The following IYD variants were observed in gnomAD, a reference collection of about 807,000 sequenced individuals.
The protein encoded by IYD is iodotyrosine deiodinase 1.
In IYD, 25 loss-of-function variants were observed where a neutral mutation model predicts 28.4. That is an observed-to-expected ratio of 0.88 (90% CI 0.64 to 1.23). IYD has a LOEUF of 1.23. IYD is among the 50% of genes most tolerant of loss of function. The probability of loss-of-function intolerance (pLI) is 0.00; values close to 1 mark genes in which losing one functional copy is unlikely to be tolerated. For missense variants in IYD, 352 were observed against 357.9 expected (o/e 0.98, Z 0.13); for synonymous variants, 140 against 130.8 (o/e 1.07, Z -0.48).
rs1386890604 is a variant in IYD at position 150,401,690 on chromosome 6, A to T, written c.*3453A>T. On this transcript the variant is annotated 3_prime_UTR_variant, in exon 5 of 5. Coordinates refer to ENST00000344419, the MANE Select transcript of IYD (RefSeq NM_203395.3). ...TGTGACAACTGTGTTCAAAGTTAGA[A>T]ATAGTGGTCGGGGAGGCTTATAGAT... The T allele has an allele frequency of 1.3e-5, 2 of 152,210 alleles. No homozygotes were observed. Among genetic ancestry groups the T allele is most frequent in the Non-Finnish European group, 2.9e-5 (2 of 68,048 alleles). The allele number at this position is 152,210 out of a possible 1,614,324, so 9.4% of individuals were successfully genotyped here.
intron 3 of IYD, among the ~76,000 whole-genome samples, chr6:150,393,757 C>T (rs917292333): frequency 6.6e-6 from 1 of 152,196 alleles, no homozygotes; most frequent in African/African-American, 2.4e-5. Context: ...AACAGCATTG[C>T]CATCTGCCCA....
At chr6:150,397,503 G>A (rs1484575020) in intron 4 of IYD, among the ~76,000 whole-genome samples, 5 of 150,870 alleles carry the variant, frequency 3.3e-5, no homozygotes, top group Non-Finnish European at 7.4e-5. Flanking sequence ...CCAGGAGGCA[G>A]AGGTTACAGT....
rs369056358 is a variant in IYD at position 150,390,356 on chromosome 6, A to G, written c.370+813A>G. Among the ~76,000 whole-genome samples, 15 of 152,358 alleles carry G rather than the reference A, an allele frequency of 9.8e-5. No homozygotes were observed. In the South Asian group the frequency reaches 3.1e-3, roughly 32 times the overall value. On this transcript the variant is annotated intron_variant, in intron 2 of 4. Transcript: ENST00000344419. Reference sequence around the variant, plus strand: ...AGCCTTTATCTGTATCTGTATTTGTATATGTATACGTACACATATGCTGTT... The same window carrying G: ...AGCCTTTATCTGTATCTGTATTTGTGTATGTATACGTACACATATGCTGTT...
At chr6:150,383,110 T>C (rs888757115) in intron 1 of IYD, among the ~76,000 whole-genome samples, 3 of 152,236 alleles carry the variant, frequency 2.0e-5, no homozygotes, top group Non-Finnish European at 4.4e-5. Context: ...TGTGCTTACA[T>C]GGTGTGACAC....
At chr6:150,370,493 G>A in intron 1 of IYD, 2 of 985,432 alleles carry the variant, frequency 2.0e-6, no homozygotes, top group Non-Finnish European at 2.4e-6. Context: ...AGGGTGTCCA[G>A]CTGGCTCTCA....
At chr6:150,392,629 A>G in intron 3 of IYD, 125 bp downstream of exon 3, 1 of 1,029,524 alleles carries the variant, frequency 9.7e-7, no homozygotes, top group Non-Finnish European at 1.5e-6. Flanking sequence ...TCTTGGAGGA[A>G]TTACGGAAGT....
intron 1 of IYD, among the ~76,000 whole-genome samples, chr6:150,386,898 A>T (rs1379861860): frequency 6.6e-6 from 1 of 152,166 alleles, no homozygotes; most frequent in Non-Finnish European, 1.5e-5. Context: ...GACTTAAAAT[A>T]ATCATTGGCC....
In IYD at chr6:150,376,480, G is replaced by T. The variant is rs78065713; in HGVS notation, c.178+7271G>T. On this transcript the variant is annotated intron_variant, in intron 1 of 4. Transcript: ENST00000344419. ...AATGCCTTGGGATGAAGTTCCTTGA[G>T]CTTATGAGAGGCAGTGGGAAGGCGA... is the stretch of plus-strand genomic sequence containing the variant. Among the ~76,000 whole-genome samples the T allele has an allele frequency of 1.0e-3, 159 of 152,226 alleles. 1 individual carries two copies. The East Asian group carries it at 0.026, about 25-fold the overall frequency.
rs73617661 is a variant in IYD, at chr6:150,388,074, G to T, written c.179-1278G>T. 2.6e-3 allele frequency among the ~76,000 whole-genome samples: 394 copies of T among 152,276 alleles called. 3 individuals carry two copies. The highest frequency in any genetic ancestry group is 9.0e-3 in the African/African-American group (372 of 41,558). On this transcript the variant is annotated intron_variant, in intron 1 of 4. Coordinates refer to ENST00000344419, the MANE Select transcript of IYD (RefSeq NM_203395.3). ...TGATTGCATTTGATGGGTTGCTGAT[G>T]ATTGTACTTAAAATTATTTGTATAT...
At chr6:150,372,150 A>G (rs1268811190) in intron 1 of IYD, among the ~76,000 whole-genome samples, 1 of 152,256 alleles carries the variant, frequency 6.6e-6, no homozygotes, top group Non-Finnish European at 1.5e-5. Context: ...AGGCCATTCT[A>G]GCATGAGTTA....
In IYD at chr6:150,403,841, T is replaced by C. The variant is rs1271898923; in HGVS notation, c.*5604T>C. On this transcript the variant is annotated 3_prime_UTR_variant, in exon 5 of 5. Transcript: ENST00000344419. ...ATGTCTTTAGAGCAGGATGGAAATA[T>C]GTTAGCAATGCCTGCAGAGTGCCAA... The C allele has an allele frequency of 6.6e-6, 1 of 152,208 alleles. No individual in the cohort carries two copies. The highest frequency in any genetic ancestry group is 1.5e-5 in the Non-Finnish European group (1 of 68,042). The allele number at this position is 152,208 out of a possible 1,614,324, so 9.4% of individuals were successfully genotyped here.
intron 1 of IYD, among the ~76,000 whole-genome samples, chr6:150,375,363 A>G (rs1777408693): frequency 1.3e-5 from 2 of 152,202 alleles, no homozygotes; most frequent in Non-Finnish European, 2.9e-5. Flanking sequence ...CTGTATTCTC[A>G]TGCTGATTCC....
At position 150,395,537 on chromosome 6, in the gene IYD, G is replaced by A. The variant is rs115446362; in HGVS notation, c.687+1282G>A. 1.9e-3 allele frequency: 2,856 copies of A among 1,537,312 alleles called. 56 individuals carry two copies. The African/African-American group carries it at 0.034, about 18-fold the overall frequency. On this transcript the variant is annotated intron_variant, in intron 4 of 4. Coordinates refer to ENST00000344419, the MANE Select transcript of IYD (RefSeq NM_203395.3). ...GGTCCTGGAAGAAGCAGCGAAGCCT[G>A]CAGCAAGCTCAGCTCACAAGGCTGC...
chr6:150,379,271 G>A (rs749700179), intron 1 of IYD, among the ~76,000 whole-genome samples: 4 of 152,240 alleles, frequency 2.6e-5, no homozygotes, highest in African/African-American at 9.6e-5. Flanking sequence ...AAGGTGTTTC[G>A]AGAATCTGCA....
At chr6:150,385,668 A>G (rs1254097122) in intron 1 of IYD, among the ~76,000 whole-genome samples, 1 of 151,764 alleles carries the variant, frequency 6.6e-6, no homozygotes, top group Non-Finnish European at 1.5e-5. Context: ...TTGTTCTCTT[A>G]ATGCCCTACT....
intron 1 of IYD, among the ~76,000 whole-genome samples, chr6:150,372,238 G>A (rs186110766): frequency 6.6e-6 from 1 of 152,170 alleles, no homozygotes; most frequent in East Asian, 1.9e-4. Context: ...ACAGGTCAGA[G>A]AATCGGCATG....
intron 3 of IYD, among the ~76,000 whole-genome samples, chr6:150,393,132 G>C (rs537937166): frequency 7.9e-5 from 12 of 152,294 alleles, no homozygotes; most frequent in Non-Finnish European, 1.8e-4. Context: ...CTGATGCTTG[G>C]CTTTAAGCCA....
chr6:150,370,476 G>C (rs759037772), intron 1 of IYD: 1 of 985,300 alleles, frequency 1.0e-6, no homozygotes, highest in East Asian at 1.1e-4. Flanking sequence ...TCTCAGGACC[G>C]GGGCGCAGGG....
intron 1 of IYD, chr6:150,384,534 A>C (rs1251732064): frequency 6.6e-6 from 1 of 152,194 alleles, no homozygotes; most frequent in East Asian, 1.9e-4. Context: ...AGACCAGCCT[A>C]AGACAAGCAA....
Sources: allele counts gnomAD v4.1 joint callset (sites outside exome capture counted in the v4.1 genomes callset), GRCh38; gene constraint gnomAD v4.1.1; transcripts MANE v1.5; gene names NCBI Gene and HGNC (gene_info 2026-07-23, HGNC 2026-07-21).